RARB: variants seen among roughly 807,000 people sequenced by gnomAD.
RARB encodes the protein retinoic acid receptor beta.
Under a neutral mutation model 51.9 loss-of-function variants are expected in RARB, and 17 were observed. The ratio of observed to expected loss-of-function variants is 0.33; its 90% CI spans 0.22 to 0.49. RARB has a LOEUF of 0.49. Ranked by LOEUF, RARB falls within the 20% of genes least tolerant of loss-of-function variation. RARB has a pLI of 0.99. For missense variants in RARB, 369 were observed against 550.8 expected, an observed-to-expected ratio of 0.67 and a Z score of 3.30; for synonymous variants, 215 against 195.4, an observed-to-expected ratio of 1.10 and a Z score of -0.84.
chr3:25,055,866 G>A (rs1698430006), intron 2 of RARB, among the ~76,000 whole-genome samples: 1 of 152,130 alleles, frequency 6.6e-6, no homozygotes, highest in South Asian at 2.1e-4. Flanking sequence ...GCTGTTGGGA[G>A]TGAAAGTACA....
intron 2 of RARB, among the ~76,000 whole-genome samples, chr3:24,923,888 G>C (rs1695266447): frequency 6.6e-6 from 1 of 152,180 alleles, no homozygotes; most frequent in South Asian, 2.1e-4. Flanking sequence ...GTGGGAGGAA[G>C]TGAAGAGGAT....
chr3:24,930,498 T>C (rs113373005), intron 2 of RARB, among the ~76,000 whole-genome samples: 74 of 152,224 alleles, frequency 4.9e-4, no homozygotes, highest in African/African-American at 1.8e-3. Flanking sequence ...GAATCTTGCT[T>C]GGTTGTAAAT....
chr3:24,890,116 T>G (rs1182211519), intron 2 of RARB, among the ~76,000 whole-genome samples: 1 of 152,190 alleles, frequency 6.6e-6, no homozygotes, highest in African/African-American at 2.4e-5. Flanking sequence ...CTACTATTTG[T>G]CTTAACACAG....
chr3:25,580,553 G>C lies in RARB; in HGVS notation c.617G>C (p.Ser206Thr), dbSNP rs771740568. ...ATTTTCTCTCTCTCCTAGAATTCCAGTGCTGACCATCGAGTCCGACTGGAC... is the reference window on the plus strand; with the variant it reads ...ATTTTCTCTCTCTCCTAGAATTCCACTGCTGACCATCGAGTCCGACTGGAC... ...CQLGKYTTNS[S>T]ADHRVRLDLG... is the part of the protein sequence containing the mutation. The change falls in exon 5 of 8, where the codon AGT becomes ACT. Residue 206 changes from serine to threonine, a missense_variant. Ser to Thr is a moderately conservative substitution (Grantham distance 58). Coordinates refer to ENST00000330688, the MANE Select transcript of RARB (RefSeq NM_000965.5). 1 of 1,593,064 alleles carries C rather than the reference G, an allele frequency of 6.3e-7. No individual in the cohort carries two copies. The highest frequency in any genetic ancestry group is 1.3e-5 in the African/African-American group (1 of 74,668).
chr3:25,283,198 A>G (rs1703566729), intron 5 of RARB, among the ~76,000 whole-genome samples: 1 of 152,182 alleles, frequency 6.6e-6, no homozygotes, highest in Non-Finnish European at 1.5e-5. Context: ...GCCAAAATCA[A>G]AAGTTTAAGT....
At chr3:24,877,346 CTT>C (rs66976672) in intron 2 of RARB, among the ~76,000 whole-genome samples, 17,983 of 82,434 alleles carry the variant, frequency 0.22, 2,885 homozygotes, top group East Asian at 0.45. Flanking sequence ...AGCAATCTTA[CTT>C]TTTTTTTTTT....
At chr3:24,860,616 G>T (rs1361345067) in intron 2 of RARB, among the ~76,000 whole-genome samples, 1 of 151,874 alleles carries the variant, frequency 6.6e-6, no homozygotes, top group Non-Finnish European at 1.5e-5. Context: ...TTTGAGGCAT[G>T]CTGATTGAAG....
intron 3 of RARB, among the ~76,000 whole-genome samples, chr3:25,079,679 A>C (rs973830942): frequency 1.3e-5 from 2 of 152,176 alleles, no homozygotes; most frequent in Admixed American, 6.5e-5. Context: ...GTGATGAATA[A>C]CATTGATTAA....
intron 5 of RARB, among the ~76,000 whole-genome samples, chr3:25,361,311 TA>T: frequency 6.6e-6 from 1 of 151,184 alleles, no homozygotes; most frequent in African/African-American, 2.5e-5. Flanking sequence ...GTTCTTGTGC[TA>T]TGTTTTTCAG....
chr3:24,989,240 G>A (rs1696860806), intron 2 of RARB, among the ~76,000 whole-genome samples: 1 of 152,182 alleles, frequency 6.6e-6, no homozygotes, highest in South Asian at 2.1e-4. Context: ...GCAGGAATGC[G>A]AGCCCATCAG....
At position 25,350,096 on chromosome 3, in the gene RARB, A is replaced by G. The variant is rs1445867169; in HGVS notation, c.179-111097A>G. On this transcript the variant is annotated intron_variant, in intron 5 of 11. Transcript: ENST00000383772. ...TACCCAGCATGTAAAAGCAGAAACT[A>G]CCAGACTTTCTGTAGGCTTAAGCTT... Among the ~76,000 whole-genome samples, 3 of 151,940 alleles carry G rather than the reference A, an allele frequency of 2.0e-5. No individual in the cohort carries two copies. In the East Asian group the frequency reaches 5.8e-4, roughly 29 times the overall value.
At chr3:25,232,015 A>G (rs1702189214) in intron 5 of RARB, among the ~76,000 whole-genome samples, 1 of 152,026 alleles carries the variant, frequency 6.6e-6, no homozygotes, top group Admixed American at 6.6e-5. Flanking sequence ...ATAAAGTTTT[A>G]TGCTTAATAT....
chr3:25,084,438 A>G (rs558276222), intron 3 of RARB, among the ~76,000 whole-genome samples: 1 of 152,194 alleles, frequency 6.6e-6, no homozygotes, highest in East Asian at 1.9e-4. Flanking sequence ...GCTATTTGTA[A>G]TATAGTTTTA....
intron 2 of RARB, among the ~76,000 whole-genome samples, chr3:24,891,236 G>C (rs1271566849): frequency 1.3e-5 from 2 of 152,142 alleles, no homozygotes; most frequent in African/African-American, 4.8e-5. Flanking sequence ...TTTTCATTTA[G>C]ATTATCTTCC....
intron 2 of RARB, chr3:25,025,139 A>T (rs181180181): frequency 2.0e-5 from 3 of 152,306 alleles, no homozygotes; most frequent in Admixed American, 1.3e-4. Context: ...AGTTGTAAGC[A>T]TTCTTATGAA....
At chr3:24,884,733 T>C (rs1703236975) in intron 2 of RARB, among the ~76,000 whole-genome samples, 1 of 152,194 alleles carries the variant, frequency 6.6e-6, no homozygotes, top group African/African-American at 2.4e-5. Flanking sequence ...GAGTGGAATC[T>C]CATGTTTTTG....
intron 2 of RARB, among the ~76,000 whole-genome samples, chr3:25,027,970 A>G (rs529372189): frequency 7.3e-4 from 59 of 80,830 alleles, no homozygotes; most frequent in South Asian, 2.8e-3. Flanking sequence ...TCATTGGCTC[A>G]TGGATTTTTT....
intron 2 of RARB, chr3:25,462,567 AT>A (rs2125557150): frequency 1.3e-5 from 2 of 152,372 alleles, no homozygotes; most frequent in African/African-American, 4.8e-5. Flanking sequence ...ACTTAACTGT[AT>A]ATATTGGTCA....
chr3:24,902,485 T>A (rs898776719), intron 2 of RARB, among the ~76,000 whole-genome samples: 6 of 152,128 alleles, frequency 3.9e-5, no homozygotes. Flanking sequence ...TGGCAGTGCT[T>A]TAAGGTTTAG....
Sources: allele counts gnomAD v4.1 joint callset (sites outside exome capture counted in the v4.1 genomes callset), GRCh38; gene constraint gnomAD v4.1.1; transcripts MANE v1.5; gene names NCBI Gene and HGNC (gene_info 2026-07-23, HGNC 2026-07-21).